Variants in OR5T1 observed in about 807,000 individuals in gnomAD.
OR5T1 encodes the protein olfactory receptor 5T1.
In OR5T1, 14 loss-of-function variants were observed where a neutral mutation model predicts 10.1. That is an observed-to-expected ratio of 1.39 (90% CI 0.92 to 2.18). OR5T1 has a LOEUF of 2.18. Among genes scored for constraint, OR5T1 ranks in the 30% most tolerant of loss-of-function variants. The probability of loss-of-function intolerance (pLI) is 0.00; values close to 1 mark genes in which losing one functional copy is unlikely to be tolerated. For synonymous variants in OR5T1, 166 were observed against 141.2 expected, an observed-to-expected ratio of 1.18 and a Z score of -1.24; for missense variants, 461 against 383.9, an observed-to-expected ratio of 1.20 and a Z score of -1.68.
chr11:56,274,449 A>G (rs999205728), intron 1 of OR5T1, among the ~76,000 whole-genome samples, 187 bp from the exon 2 acceptor site: 55 of 152,324 alleles, frequency 3.6e-4, no homozygotes, highest in African/African-American at 1.2e-3. Context: ...TAGTAAAAGG[A>G]TAGCCATAAT....
intron 2 of OR5T1, 30 bp from the exon 3 acceptor site, chr11:56,275,456 A>G: frequency 2.2e-6 from 1 of 464,820 alleles, no homozygotes; most frequent in Non-Finnish European, 3.8e-6. Context: ...TGATTGAATA[A>G]AATAATTTAT....
chr11:56,275,866 T>C lies in OR5T1; in HGVS notation c.228T>C (p.Gly76=). 6.2e-7 allele frequency: 1 copy of C among 1,614,178 alleles called. No individual in the cohort carries two copies. Among genetic ancestry groups the C allele is most frequent in the Non-Finnish European group, 8.5e-7 (1 of 1,180,004 alleles). The change falls in exon 3 of 3, where the codon GGT becomes GGC. Residue 76 remains glycine, a synonymous_variant. Transcript: ENST00000641665. ...ACAGCCCAATGTACTATTTTCTTGGTGTTTTATCATTCTTGGATGTCTGCT... is the reference window on the plus strand; with the variant it reads ...ACAGCCCAATGTACTATTTTCTTGGCGTTTTATCATTCTTGGATGTCTGCT... ...WLHSPMYYFL[G]VLSFLDVCYS...
chr11:56,275,669 T>G lies in OR5T1; in HGVS notation c.31T>G (p.Tyr11Asp), dbSNP rs377458042. 6.2e-7 allele frequency: 1 copy of G among 1,605,144 alleles called. No individual in the cohort carries two copies. The highest frequency in any genetic ancestry group is 1.3e-5 in the African/African-American group (1 of 74,474). The change falls in exon 3 of 3, where the codon TAC (tyrosine) becomes GAC (aspartate). Residue 11 changes from tyrosine (Y) to aspartate (D), a missense_variant. Physicochemically the swap from Tyr to Asp is radical, Grantham distance 160. Coordinates refer to ENST00000641665, the MANE Select transcript of OR5T1 (RefSeq NM_001004745.2). ...AGGGTTGCCTTCAGATATGGATCTA[T>G]ACAAGCTTCAATTAAACAATTTTAC... MSGLPSDMDL[Y>D]KLQLNNFTEV...
chr11:56,275,440 A>G, intron 2 of OR5T1, 46 bp from the exon 3 acceptor site: 1 of 430,794 alleles, frequency 2.3e-6, no homozygotes, highest in Non-Finnish European at 4.0e-6. Flanking sequence ...AGATAAATTT[A>G]GTGCATGATT....
Position 56,276,617 on chromosome 11 carries a change from T to C in OR5T1, c.979T>C (p.Ter327GlnextTer2), listed in dbSNP as rs550187147. Residue 327 changes from the stop codon to glutamine (Q), a stop_lost, in exon 3 of 3, where the codon TAG becomes CAG. Coordinates refer to ENST00000641665, the MANE Select transcript of OR5T1 (RefSeq NM_001004745.2). Reference sequence around the variant, plus strand: ...GAGAAATTGGTTCATAAATAAGTTATAGTTTTAAAATTGAGTAAAGTTGCA... The same window carrying C: ...GAGAAATTGGTTCATAAATAAGTTACAGTTTTAAAATTGAGTAAAGTTGCA... ...LVRNWFINKL* is the reference protein window; with the variant it reads ...LVRNWFINKLQ 8.7e-6 allele frequency: 14 copies of C among 1,600,886 alleles called. No homozygotes were observed. The East Asian group carries it at 2.7e-4, about 31-fold the overall frequency.
chr11:56,275,934 C>CA lies in OR5T1; in HGVS notation c.302dup (p.Asn101LysfsTer2), dbSNP rs780397839. The CA allele has an allele frequency of 8.7e-6, 14 of 1,614,084 alleles. No homozygotes were observed. Among genetic ancestry groups the CA allele is most frequent in the South Asian group, 3.3e-5 (3 of 91,082 alleles). On this transcript the variant is annotated frameshift_variant, in exon 3 of 3. Transcript: ENST00000641665. LOFTEE classifies it high-confidence loss of function. The stretch of plus-strand genomic sequence containing the variant: ...CCAAAAATGTTGGTCAATTTCCTGG[C>CA]AAAAAATAAATCTATTTCATTTCTT...
chr11:56,275,605 C>T lies in OR5T1; in HGVS notation c.-34C>T. ...ATTGGATAAACTTAATTTTCACAGG[C>T]TGTTGCATTTAGTACATATAAACAA... On this transcript the variant is annotated 5_prime_UTR_variant, in exon 3 of 3. Coordinates refer to ENST00000641665, the MANE Select transcript of OR5T1 (RefSeq NM_001004745.2). 1.3e-6 allele frequency: 2 copies of T among 1,489,922 alleles called. No homozygotes were observed. Among genetic ancestry groups the T allele is most frequent in the South Asian group, 2.8e-5 (2 of 72,694 alleles). The allele number at this position is 1,489,922 out of a possible 1,614,324, so 92.3% of individuals were successfully genotyped here.
chr11:56,274,428 C>T (rs1046173737), intron 1 of OR5T1, among the ~76,000 whole-genome samples: 8 of 151,938 alleles, frequency 5.3e-5, no homozygotes, highest in Non-Finnish European at 7.4e-5. Context: ...TCAGAAGTTA[C>T]GTAAGAATCA....
In OR5T1 at chr11:56,275,973, A is replaced by C. The variant is rs1401962445; in HGVS notation, c.335A>C (p.Gln112Pro). The stretch of plus-strand genomic sequence containing the variant: ...ATTTCATTTCTTGGATGTGCAACAC[A>C]GATGTTTCTTGCTTGTACTTTTGGA... ...KSISFLGCAT[Q>P]MFLACTFGTT... The change falls in exon 3 of 3, where the codon CAG becomes CCG. Residue 112 changes from glutamine to proline, a missense_variant. Physicochemically the swap from Gln to Pro is moderately conservative, Grantham distance 76. Coordinates refer to ENST00000641665, the MANE Select transcript of OR5T1 (RefSeq NM_001004745.2). 1.9e-6 allele frequency: 3 copies of C among 1,614,042 alleles called. No homozygotes were observed. Among genetic ancestry groups the C allele is most frequent in the Non-Finnish European group, 2.5e-6 (3 of 1,180,050 alleles).
Position 56,276,683 on chromosome 11 carries a change from G to C in OR5T1, c.*64G>C. ...CAGTCCACATCTCTATGGTCAGAAA[G>C]TAGAGAAGAAAATGTGTTTCTTTTA... On this transcript the variant is annotated 3_prime_UTR_variant, in exon 3 of 3. Coordinates refer to ENST00000641665, the MANE Select transcript of OR5T1 (RefSeq NM_001004745.2). 1 of 1,183,650 alleles carries C rather than the reference G, an allele frequency of 8.4e-7. No individual in the cohort carries two copies. The highest frequency in any genetic ancestry group is 1.2e-6 in the Non-Finnish European group (1 of 832,542). The allele number at this position is 1,183,650 out of a possible 1,614,324, so 73.3% of individuals were successfully genotyped here.
Position 56,276,101 on chromosome 11 carries a change from C to T in OR5T1, c.463C>T (p.Pro155Ser). The T allele has an allele frequency of 6.2e-7, 1 of 1,614,132 alleles. No individual in the cohort carries two copies. Among genetic ancestry groups the T allele is most frequent in the Non-Finnish European group, 8.5e-7 (1 of 1,180,040 alleles). The stretch of plus-strand genomic sequence containing the variant: ...GAGCATGTCACCCAGAGTCTATGTG[C>T]CACTCATCACTGCTTCCTATGTTGC... ...SVSMSPRVYV[P>S]LITASYVASI... The change falls in exon 3 of 3, where the codon CCA becomes TCA. Residue 155 changes from proline (P) to serine (S), a missense_variant. Physicochemically the swap from Pro to Ser is moderately conservative, Grantham distance 74. Transcript: ENST00000641665.
Position 56,275,739 on chromosome 11 carries a change from A to G in OR5T1, c.101A>G (p.Asp34Gly). Residue 34 changes from aspartate (D) to glycine (G), a missense_variant, in exon 3 of 3, where the codon GAT (aspartate) becomes GGT (glycine). Coordinates refer to ENST00000641665, the MANE Select transcript of OR5T1 (RefSeq NM_001004745.2). The part of the protein sequence containing the change: ...FILISFTEEF[D>G]VQVFLFLLFL... ...TTAATAAGCTTCACAGAAGAATTTGATGTGCAAGTCTTCCTATTTTTATTA... is the reference window on the plus strand; with the variant it reads ...TTAATAAGCTTCACAGAAGAATTTGGTGTGCAAGTCTTCCTATTTTTATTA... The G allele has an allele frequency of 6.2e-7, 1 of 1,611,076 alleles. No individual in the cohort carries two copies. The highest frequency in any genetic ancestry group is 2.2e-5 in the East Asian group (1 of 44,844).
intron 2 of OR5T1, 75 bp downstream of exon 2, chr11:56,274,828 G>T (rs778883070): frequency 2.0e-5 from 3 of 151,246 alleles, no homozygotes; most frequent in African/African-American, 7.3e-5. Flanking sequence ...CAGAAAGACT[G>T]TCTCAAATGA....
chr11:56,276,315 T>G lies in OR5T1; in HGVS notation c.677T>G (p.Val226Gly), dbSNP rs1853945012. The change falls in exon 3 of 3, where the codon GTC becomes GGC. Residue 226 changes from valine to glycine, a missense_variant. By Grantham distance (109) the Val-to-Gly change is moderately radical. Transcript: ENST00000641665. ...GSIEIVTILI[V>G]LISYGFILLA... ...ATTGAGATAGTCACTATCCTGATTGTCCTGATCTCCTATGGTTTTATTCTG... is the reference window on the plus strand; with the variant it reads ...ATTGAGATAGTCACTATCCTGATTGGCCTGATCTCCTATGGTTTTATTCTG... 1 of 1,614,012 alleles carries G rather than the reference T, an allele frequency of 6.2e-7. No individual in the cohort carries two copies. Among genetic ancestry groups the G allele is most frequent in the Non-Finnish European group, 8.5e-7 (1 of 1,180,010 alleles).
At position 56,276,639 on chromosome 11, in the gene OR5T1, T is replaced by C; in HGVS notation, c.*20T>C. 1 of 1,565,496 alleles carries C rather than the reference T, an allele frequency of 6.4e-7. No individual in the cohort carries two copies. Among genetic ancestry groups the C allele is most frequent in the Non-Finnish European group, 8.7e-7 (1 of 1,148,476 alleles). Reference sequence around the variant, plus strand: ...TTATAGTTTTAAAATTGAGTAAAGTTGCAAATAATATTGGGTGTCAGTCCA... The same window carrying C: ...TTATAGTTTTAAAATTGAGTAAAGTCGCAAATAATATTGGGTGTCAGTCCA... On this transcript the variant is annotated 3_prime_UTR_variant, in exon 3 of 3. Transcript: ENST00000641665.
rs78895935 is a variant in OR5T1, at chr11:56,276,737, T to G, written c.*118T>G. On this transcript the variant is annotated 3_prime_UTR_variant, in exon 3 of 3. Coordinates refer to ENST00000641665, the MANE Select transcript of OR5T1 (RefSeq NM_001004745.2). ...AACAGTGCTTGTAACTTCTAGAATATTTTCAAATAAAGCATCAATCAGCCT... is the reference window on the plus strand; with the variant it reads ...AACAGTGCTTGTAACTTCTAGAATAGTTTCAAATAAAGCATCAATCAGCCT... The G allele has an allele frequency of 1.3e-5, 9 of 694,452 alleles. No homozygotes were observed. The highest frequency in any genetic ancestry group is 1.9e-5 in the Non-Finnish European group (8 of 418,306). 43.0% of individuals were successfully genotyped at this position (694,452 alleles called of 1,614,324 possible). A position where few individuals can be genotyped will look rare whatever the true frequency, so the allele number is the denominator to read the frequency against.
chr11:56,276,683 G>T lies in OR5T1; in HGVS notation c.*64G>T, dbSNP rs566217881. 1 of 1,183,652 alleles carries T rather than the reference G, an allele frequency of 8.4e-7. No homozygotes were observed. Among genetic ancestry groups the T allele is most frequent in the Non-Finnish European group, 1.2e-6 (1 of 832,544 alleles). The allele number at this position is 1,183,652 out of a possible 1,614,324, so 73.3% of individuals were successfully genotyped here. On this transcript the variant is annotated 3_prime_UTR_variant, in exon 3 of 3. Transcript: ENST00000641665. ...CAGTCCACATCTCTATGGTCAGAAA[G>T]TAGAGAAGAAAATGTGTTTCTTTTA...
rs1022162356 is a variant in OR5T1 at position 56,275,522 on chromosome 11, G to A, written c.-117G>A. The A allele has an allele frequency of 1.4e-6, 1 of 738,680 alleles. No homozygotes were observed. Among genetic ancestry groups the A allele is most frequent in the Non-Finnish European group, 2.2e-6 (1 of 446,004 alleles). The allele number at this position is 738,680 out of a possible 1,614,324, so 45.8% of individuals were successfully genotyped here. On this transcript the variant is annotated 5_prime_UTR_variant, in exon 3 of 3. The change creates a new upstream start codon in the 5' untranslated region. Transcript: ENST00000641665. Reference sequence around the variant, plus strand: ...CTTGGACCCAATTTTATCACCACCTGTGCATTTGCTGACAAGGATTTCATC... The same window carrying A: ...CTTGGACCCAATTTTATCACCACCTATGCATTTGCTGACAAGGATTTCATC...
chr11:56,274,658 G>A lies in OR5T1; in HGVS notation c.-249G>A, dbSNP rs1853913872. 1 of 151,742 alleles carries A rather than the reference G, an allele frequency of 6.6e-6. No individual in the cohort carries two copies. The highest frequency in any genetic ancestry group is 2.4e-5 in the African/African-American group (1 of 41,384). 9.4% of individuals were successfully genotyped at this position (151,742 alleles called of 1,614,324 possible). On this transcript the variant is annotated 5_prime_UTR_variant, in exon 2 of 3. Transcript: ENST00000641665. The stretch of plus-strand genomic sequence containing the variant: ...CAGGAAAGAAAAGTGAAACACAAAA[G>A]GAAAAATAAATGAAAAATGAACACC...
Sources: allele counts gnomAD v4.1 joint callset (sites outside exome capture counted in the v4.1 genomes callset), GRCh38; gene constraint gnomAD v4.1.1; transcripts MANE v1.5; gene names NCBI Gene and HGNC (gene_info 2026-07-23, HGNC 2026-07-21).